The following EYS variants were observed in gnomAD, a reference collection of about 807,000 sequenced individuals.
The protein encoded by EYS is EGF-like photoreceptor maintenance factor.
EYS carries 250 observed loss-of-function variants against 282.1 expected under a neutral mutation model. The ratio of observed to expected loss-of-function variants is 0.89; its 90% confidence interval spans 0.80 to 0.98. The LOEUF (loss-of-function observed/expected upper bound fraction) is 0.98. Among genes scored for constraint, EYS ranks in the 50% least tolerant of loss-of-function variants. EYS has a pLI of 0.00. For synonymous variants in EYS, 1,355 were observed against 1,282.9 expected (o/e 1.06, Z -1.20); for missense variants, 4,016 against 3,709.0 (o/e 1.08, Z -2.15).
chr6:64,762,977 A>C (rs1168460107), intron 22 of EYS, among the ~76,000 whole-genome samples: 1 of 152,228 alleles, frequency 6.6e-6, no homozygotes, highest in Non-Finnish European at 1.5e-5. Context: ...ATATTAATAA[A>C]GTTATTGAAA....
intron 7 of EYS, among the ~76,000 whole-genome samples, chr6:65,393,594 A>G (rs1766144536): frequency 6.6e-6 from 1 of 152,176 alleles, no homozygotes; most frequent in African/African-American, 2.4e-5. Context: ...GCAGTGTCTT[A>G]TTTCATAGTC....
At chr6:63,862,019 C>T (rs1245779770) in intron 36 of EYS, among the ~76,000 whole-genome samples, 2 of 152,184 alleles carry the variant, frequency 1.3e-5, no homozygotes, top group Non-Finnish European at 2.9e-5. Flanking sequence ...TCTATCTTTC[C>T]TCAGGGTCTT....
intron 22 of EYS, among the ~76,000 whole-genome samples, chr6:64,708,515 T>G (rs938492009): frequency 8.5e-5 from 13 of 152,112 alleles, no homozygotes; most frequent in African/African-American, 2.9e-4. Context: ...TGTCCATGGG[T>G]CTCTCATGTT....
intron 26 of EYS, among the ~76,000 whole-genome samples, chr6:64,589,146 C>A (rs530099928): frequency 1.3e-5 from 2 of 152,010 alleles, no homozygotes; most frequent in South Asian, 4.1e-4. Context: ...AGCTATCAGC[C>A]TGTAAAAGTA....
intron 19 of EYS, among the ~76,000 whole-genome samples, chr6:64,828,083 T>C (rs1173939490): frequency 6.6e-6 from 1 of 151,832 alleles, no homozygotes; most frequent in Non-Finnish European, 1.5e-5. Context: ...ATAAAAATAT[T>C]CAAATTTCAA....
intron 10 of EYS, among the ~76,000 whole-genome samples, chr6:65,339,758 A>C (rs746006923): frequency 2.0e-5 from 3 of 151,170 alleles, no homozygotes; most frequent in Non-Finnish European, 4.4e-5. Flanking sequence ...CCTTCTGTAG[A>C]GTACACAGGG....
intron 5 of EYS, among the ~76,000 whole-genome samples, chr6:65,414,599 A>G (rs1464813486): frequency 6.6e-6 from 1 of 152,128 alleles, no homozygotes; most frequent in African/African-American, 2.4e-5. Context: ...TTATGTAAGT[A>G]ACCAGAAAGA....
chr6:65,017,309 C>T (rs925216912), intron 13 of EYS, among the ~76,000 whole-genome samples: 10 of 152,062 alleles, frequency 6.6e-5, no homozygotes, highest in African/African-American at 2.4e-4. Context: ...ATTCGCTTTC[C>T]AGGTTGAATG....
intron 30 of EYS, among the ~76,000 whole-genome samples, chr6:64,263,623 C>T (rs1767659523): frequency 6.6e-6 from 1 of 151,990 alleles, no homozygotes; most frequent in Admixed American, 6.6e-5. Flanking sequence ...TTTAATTTAT[C>T]AATATTCATT....
At chr6:64,970,341 G>T (rs1167480563) in intron 14 of EYS, among the ~76,000 whole-genome samples, 1 of 152,078 alleles carries the variant, frequency 6.6e-6, no homozygotes, top group Non-Finnish European at 1.5e-5. Flanking sequence ...GGGATTACAG[G>T]CATGGGCTCC....
At chr6:64,076,717 C>T (rs1029438328) in intron 32 of EYS, among the ~76,000 whole-genome samples, 1 of 151,898 alleles carries the variant, frequency 6.6e-6, no homozygotes, top group Non-Finnish European at 1.5e-5. Flanking sequence ...TCCATTAAAC[C>T]TCTTCTTCTT....
chr6:65,069,194 CT>C (rs1429540149), intron 12 of EYS, among the ~76,000 whole-genome samples: 2 of 152,008 alleles, frequency 1.3e-5, no homozygotes, highest in Non-Finnish European at 2.9e-5. Flanking sequence ...CATCTTCAAA[CT>C]TCTGCTTTTA....
intron 22 of EYS, among the ~76,000 whole-genome samples, chr6:64,681,269 G>C (rs1444364679): frequency 6.6e-6 from 1 of 152,170 alleles, no homozygotes; most frequent in East Asian, 1.9e-4. Context: ...ATTGCACCTA[G>C]TGAGTAGAAT....
At chr6:64,698,507 T>C (rs923771657) in intron 22 of EYS, among the ~76,000 whole-genome samples, 1 of 151,988 alleles carries the variant, frequency 6.6e-6, no homozygotes, top group African/African-American at 2.4e-5. Flanking sequence ...ATTTAAGGGC[T>C]TCTACACAGC....
chr6:64,756,832 T>A (rs1322059016), intron 22 of EYS, among the ~76,000 whole-genome samples: 1 of 150,222 alleles, frequency 6.7e-6, no homozygotes, highest in South Asian at 2.1e-4. Flanking sequence ...AAAATAACAA[T>A]AACAAATCAA....
At chr6:64,974,677 A>G (rs948275029) in intron 14 of EYS, among the ~76,000 whole-genome samples, 1 of 151,974 alleles carries the variant, frequency 6.6e-6, no homozygotes, top group South Asian at 2.1e-4. Context: ...TACACTGTCA[A>G]TGGCATTATT....
intron 12 of EYS, among the ~76,000 whole-genome samples, chr6:65,121,266 G>A (rs184995848): frequency 6.6e-6 from 1 of 152,076 alleles, no homozygotes; most frequent in East Asian, 1.9e-4. Context: ...ACCAAGTAAG[G>A]GAACAGTCTT....
intron 19 of EYS, among the ~76,000 whole-genome samples, chr6:64,883,435 C>T (rs1474221484): frequency 6.6e-6 from 1 of 151,042 alleles, no homozygotes; most frequent in Non-Finnish European, 1.5e-5. Context: ...TTATACTTTT[C>T]TAGTAGATAT....
intron 2 of EYS, among the ~76,000 whole-genome samples, chr6:65,556,713 T>C (rs1232285519): frequency 6.6e-6 from 1 of 152,156 alleles, no homozygotes; most frequent in Admixed American, 6.5e-5. Flanking sequence ...ATCCTCAAAA[T>C]TTTCTTGTAA....
Sources: allele counts gnomAD v4.1 joint callset (sites outside exome capture counted in the v4.1 genomes callset), GRCh38; gene constraint gnomAD v4.1.1; transcripts MANE v1.5; gene names NCBI Gene and HGNC (gene_info 2026-07-23, HGNC 2026-07-21).